The following RAB37 variants were observed in gnomAD, a reference collection of about 807,000 sequenced individuals.
RAB37 encodes the protein RAB37, member RAS oncogene family, also known as ras-related protein Rab-37.
Under a neutral mutation model 33.1 loss-of-function variants are expected in RAB37, and 29 were observed. The ratio of observed to expected loss-of-function variants is 0.88; its 90% CI spans 0.65 to 1.20. The LOEUF (loss-of-function observed/expected upper bound fraction) is 1.20, where lower values mean the gene tolerates loss of function less well. Ranked by LOEUF, RAB37 falls within the 50% of genes most tolerant of loss-of-function variation. The pLI, the probability that RAB37 is intolerant of heterozygous loss-of-function variation, is 0.00. For synonymous variants in RAB37, 128 were observed against 119.5 expected, an observed-to-expected ratio of 1.07 and a Z score of -0.47; for missense variants, 299 against 301.1, an observed-to-expected ratio of 0.99 and a Z score of 0.05.
At chr17:74,674,243 T>A (rs2031771838) in intron 1 of RAB37, among the ~76,000 whole-genome samples, 1 of 152,006 alleles carries the variant, frequency 6.6e-6, no homozygotes, top group Non-Finnish European at 1.5e-5. Context: ...CCTGGCTAAT[T>A]TTTTGGCAGT....
chr17:74,674,988 T>A (rs2143455454), intron 1 of RAB37, among the ~76,000 whole-genome samples: 1 of 152,358 alleles, frequency 6.6e-6, no homozygotes, highest in African/African-American at 2.4e-5. Context: ...AGGCTTGGAA[T>A]AAGCCAAACC....
chr17:74,727,850 ATG>A (rs1016901019), intron 1 of RAB37, among the ~76,000 whole-genome samples: 4 of 150,082 alleles, frequency 2.7e-5, no homozygotes, highest in Non-Finnish European at 5.9e-5. Context: ...ATGTGTTTTT[ATG>A]TGTGTGTGTC....
intron 1 of RAB37, among the ~76,000 whole-genome samples, chr17:74,683,325 C>T (rs2031990758): frequency 6.6e-6 from 1 of 152,156 alleles, no homozygotes; most frequent in African/African-American, 2.4e-5. Context: ...AATGAGGATT[C>T]AGGAAGCTGA....
intron 1 of RAB37, among the ~76,000 whole-genome samples, chr17:74,703,663 C>A (rs1453297902): frequency 6.6e-6 from 1 of 152,192 alleles, no homozygotes; most frequent in Non-Finnish European, 1.5e-5. Context: ...CCCATTGAGA[C>A]AATGCACGTT....
At position 74,692,091 on chromosome 17, in the gene RAB37, C is replaced by A. The variant is rs1364458005; in HGVS notation, c.72+20433C>A. On this transcript the variant is annotated intron_variant, in intron 1 of 7. Coordinates refer to the RAB37 transcript ENST00000340415. ...CCATGTTAGCCAGGATGGTCTCGAT[C>A]TCCTGACCTTGTGATCCGCCCACCT... Among the ~76,000 whole-genome samples, 6 of 151,972 alleles carry A rather than the reference C, an allele frequency of 3.9e-5. No homozygotes were observed. The East Asian group carries it at 1.2e-3, about 29-fold the overall frequency.
Position 74,743,319 on chromosome 17 carries a change from A to G in RAB37, c.345A>G (p.Lys115=), listed in dbSNP as rs1033546644. 1.9e-6 allele frequency: 3 copies of G among 1,613,698 alleles called. No individual in the cohort carries two copies. The African/African-American group carries it at 4.0e-5, about 22-fold the overall frequency. ...ALLLLYDITN[K]SSFDNIRAWL... is the part of the protein sequence containing the mutation. The stretch of plus-strand genomic sequence containing the variant: ...TTCTGCTGTATGACATCACCAACAA[A>G]TCTTCTTTCGACAACATCAGGGTAG... Residue 115 remains lysine, a synonymous_variant, in exon 5 of 9, where the codon AAA becomes AAG. Coordinates refer to ENST00000392613, the MANE Select transcript of RAB37 (RefSeq NM_001006638.3).
Position 74,673,176 on chromosome 17 carries a change from G to A in RAB37, c.72+1518G>A, listed in dbSNP as rs1045060039. On this transcript the variant is annotated intron_variant, in intron 1 of 7. Transcript: ENST00000340415. The stretch of plus-strand genomic sequence containing the variant: ...TCTCAGCACTTTGGGAGGCCGAGGC[G>A]GTGGACCGCTTGAGGTCAAGGGTTC... Among the ~76,000 whole-genome samples, 18 of 152,062 alleles carry A rather than the reference G, an allele frequency of 1.2e-4. No homozygotes were observed. In the South Asian group the frequency reaches 1.2e-3, roughly 10 times the overall value.
At chr17:74,696,872 C>T (rs969995653) in intron 1 of RAB37, among the ~76,000 whole-genome samples, 1 of 152,020 alleles carries the variant, frequency 6.6e-6, no homozygotes, top group South Asian at 2.1e-4. Context: ...GTAGAATGTG[C>T]AAGCTGGGTC....
chr17:74,733,483 G>GGTGTGTGTGGTGTGAGGT (rs1567811742), upstream of RAB37, among the ~76,000 whole-genome samples: 1 of 83,730 alleles, frequency 1.2e-5, no homozygotes, highest in Non-Finnish European at 2.5e-5. Flanking sequence ...TGTGGTGTGA[G>GGTGTGTGTGGTGTGAGGT]GTGTGTGGTG....
At chr17:74,721,201 G>A (rs1256040361) in intron 1 of RAB37, among the ~76,000 whole-genome samples, 2 of 152,160 alleles carry the variant, frequency 1.3e-5, no homozygotes, top group South Asian at 2.1e-4. Context: ...ATTTAGGGCC[G>A]CAGGTCCAGG....
intron 1 of RAB37, chr17:74,712,803 GA>G (rs1379624337): frequency 1.9e-6 from 3 of 1,613,724 alleles, no homozygotes; most frequent in Non-Finnish European, 2.5e-6. Flanking sequence ...TCCCCAAGAA[GA>G]CAGACCCAGG....
rs1015410974 is a variant in RAB37, at chr17:74,671,784, G to A, written c.72+126G>A. 1.2e-6 allele frequency: 1 copy of A among 815,502 alleles called. No individual in the cohort carries two copies. The highest frequency in any genetic ancestry group is 1.7e-5 in the African/African-American group (1 of 58,946). 50.5% of individuals were successfully genotyped at this position (815,502 alleles called of 1,614,324 possible). ...TAGCTTGTATCTGTGAGTCTGGGGA[G>A]CCCTTTCTGTCTGATCCTGTTTCCT... On this transcript the variant is annotated intron_variant, in intron 1 of 7. Coordinates refer to the RAB37 transcript ENST00000340415. The surrounding 1 kb of genome is among the most constrained non-coding windows in gnomAD (Gnocchi z 5.0).
chr17:74,715,732 G>T (rs1342846474), intron 1 of RAB37, among the ~76,000 whole-genome samples: 1 of 152,122 alleles, frequency 6.6e-6, no homozygotes, highest in Non-Finnish European at 1.5e-5. Context: ...TTTGAAACAA[G>T]AACAGAGAAT....
At position 74,695,321 on chromosome 17, in the gene RAB37, C is replaced by T. The variant is rs1039707131; in HGVS notation, c.72+23663C>T. On this transcript the variant is annotated intron_variant, in intron 1 of 7. Coordinates refer to the RAB37 transcript ENST00000340415. ...GACGGTCACGGGGCAGAGGAGCCCT[C>T]GGAGGAGGATAGTGGGGATGGACCA... The T allele has an allele frequency of 4.4e-6, 7 of 1,577,392 alleles. No individual in the cohort carries two copies. The South Asian group carries it at 4.6e-5, about 10-fold the overall frequency.
chr17:74,740,166 AAG>A (rs988089102), intron 1 of RAB37, among the ~76,000 whole-genome samples: 1 of 151,886 alleles, frequency 6.6e-6, no homozygotes, highest in African/African-American at 2.4e-5. Flanking sequence ...CAAAAAAAAA[AAG>A]AAAGAAAGAA....
intron 1 of RAB37, among the ~76,000 whole-genome samples, chr17:74,717,693 CA>C (rs141657329): frequency 0.011 from 1,715 of 151,844 alleles, 23 homozygotes; most frequent in Non-Finnish European, 0.015. Flanking sequence ...CCTGTAATCC[CA>C]GCTACTCAGG....
intron 1 of RAB37, among the ~76,000 whole-genome samples, chr17:74,724,368 T>C (rs2034279285): frequency 6.6e-6 from 1 of 152,218 alleles, no homozygotes; most frequent in Non-Finnish European, 1.5e-5. Flanking sequence ...GGCAATCAGA[T>C]ATGCATCTAT....
chr17:74,699,694 C>T (rs2143655260), intron 1 of RAB37, among the ~76,000 whole-genome samples: 1 of 152,272 alleles, frequency 6.6e-6, no homozygotes, highest in East Asian at 1.9e-4. Flanking sequence ...CAATTCCTGG[C>T]CTCCTTAGCT....
upstream of RAB37, among the ~76,000 whole-genome samples, chr17:74,733,145 G>T (rs1186826099): frequency 1.3e-5 from 2 of 152,078 alleles, no homozygotes; most frequent in Non-Finnish European, 2.9e-5. Context: ...ACTGTGCCTG[G>T]AGCTGCACTG....
Sources: allele counts gnomAD v4.1 joint callset (sites outside exome capture counted in the v4.1 genomes callset), GRCh38; gene constraint gnomAD v4.1.1; non-coding constraint Gnocchi (gnomAD v3.1); transcripts MANE v1.5; gene names NCBI Gene and HGNC (gene_info 2026-07-23, HGNC 2026-07-21).